The following RANBP17 variants were observed in gnomAD, a reference collection of about 807,000 sequenced individuals.
The protein encoded by RANBP17 is ran-binding protein 17.
Under a neutral mutation model 141.2 loss-of-function variants are expected in RANBP17, and 158 were observed. The observed-to-expected ratio is 1.12, with a 90% CI of 0.98 to 1.28. The LOEUF is 1.28. Among genes scored for constraint, RANBP17 ranks in the 50% most tolerant of loss-of-function variants. The pLI, the probability that RANBP17 is intolerant of heterozygous loss-of-function variation, is 0.00. For synonymous variants in RANBP17, 430 were observed against 450.0 expected (o/e 0.96, Z 0.56); for missense variants, 1,438 against 1,290.7 (o/e 1.11, Z -1.75).
chr5:171,176,414 C>T (rs1355080477), intron 16 of RANBP17, among the ~76,000 whole-genome samples: 1 of 152,082 alleles, frequency 6.6e-6, no homozygotes, highest in African/African-American at 2.4e-5. Context: ...TAATTCCATA[C>T]TCATCTTGAA....
At chr5:170,922,828 A>G (rs185142700) in intron 11 of RANBP17, among the ~76,000 whole-genome samples, 1 of 152,188 alleles carries the variant, frequency 6.6e-6, no homozygotes, top group African/African-American at 2.4e-5. Context: ...GGCTGCACCC[A>G]CTGTCGAACC....
intron 1 of RANBP17, among the ~76,000 whole-genome samples, chr5:170,866,348 A>G (rs1398887159): frequency 6.6e-6 from 1 of 150,652 alleles, no homozygotes; most frequent in Non-Finnish European, 1.5e-5. Flanking sequence ...GTAAATCTAC[A>G]CTCTGGTCTA....
chr5:171,254,955 C>T (rs1173676209), intron 24 of RANBP17, among the ~76,000 whole-genome samples: 2 of 152,142 alleles, frequency 1.3e-5, no homozygotes, highest in Non-Finnish European at 2.9e-5. Context: ...AATGACTTCA[C>T]CTATTTCTTC....
At chr5:171,101,616 G>A (rs1413038866) in intron 14 of RANBP17, among the ~76,000 whole-genome samples, 7 of 152,196 alleles carry the variant, frequency 4.6e-5, no homozygotes, top group African/African-American at 1.4e-4. Flanking sequence ...ATATTGTTAT[G>A]TGTGAATATG....
intron 12 of RANBP17, among the ~76,000 whole-genome samples, chr5:170,941,617 T>G (rs1045286510): frequency 6.6e-6 from 1 of 152,108 alleles, no homozygotes; most frequent in African/African-American, 2.4e-5. Flanking sequence ...AACAGTTCTT[T>G]AGGAAAATGA....
At chr5:171,004,783 G>T (rs1291210078) in intron 14 of RANBP17, among the ~76,000 whole-genome samples, 1 of 152,110 alleles carries the variant, frequency 6.6e-6, no homozygotes, top group Non-Finnish European at 1.5e-5. Context: ...CACAGACAGG[G>T]CACGGCTTAG....
At chr5:170,915,435 G>T (rs1263374873) in intron 8 of RANBP17, among the ~76,000 whole-genome samples, 6 of 152,060 alleles carry the variant, frequency 3.9e-5, no homozygotes, top group Admixed American at 2.6e-4. Context: ...TGAAACACAG[G>T]TCTTTTTTGC....
rs149693317 is a variant in RANBP17 at position 170,868,030 on chromosome 5, C to T, written c.18+5979C>T. 8.5e-5 allele frequency among the ~76,000 whole-genome samples: 13 copies of T among 152,284 alleles called. No individual in the cohort carries two copies. The East Asian group carries it at 2.3e-3, about 27-fold the overall frequency. ...TGTTGATAGTTGCATGCATGACTAT[C>T]AACACGTGTGGCTTTTACTCAGCAT... On this transcript the variant is annotated intron_variant, in intron 1 of 27. Coordinates refer to ENST00000523189, the MANE Select transcript of RANBP17 (RefSeq NM_022897.5).
chr5:171,025,863 C>T (rs1276395778), intron 14 of RANBP17, among the ~76,000 whole-genome samples: 1 of 152,106 alleles, frequency 6.6e-6, no homozygotes, highest in Non-Finnish European at 1.5e-5. Flanking sequence ...TCTGGGATTG[C>T]AGACATGAGC....
intron 14 of RANBP17, among the ~76,000 whole-genome samples, chr5:170,985,102 C>T (rs913024130): frequency 5.3e-5 from 8 of 151,066 alleles, no homozygotes; most frequent in Non-Finnish European, 1.2e-4. Context: ...CAGAACCACA[C>T]ATATACACAC....
At chr5:171,073,470 T>C (rs1231361295) in intron 14 of RANBP17, among the ~76,000 whole-genome samples, 1 of 152,166 alleles carries the variant, frequency 6.6e-6, no homozygotes, top group East Asian at 1.9e-4. Context: ...TAGAGCCAAG[T>C]TTCTCTCTGT....
chr5:171,284,244 G>T (rs1389615080), intron 25 of RANBP17, among the ~76,000 whole-genome samples: 1 of 152,108 alleles, frequency 6.6e-6, no homozygotes, highest in Non-Finnish European at 1.5e-5. Context: ...TAGCATTTCT[G>T]GAACAGTCTG....
intron 12 of RANBP17, among the ~76,000 whole-genome samples, chr5:170,949,885 A>G (rs914798201): frequency 2.6e-5 from 4 of 152,202 alleles, no homozygotes; most frequent in Admixed American, 2.6e-4. Flanking sequence ...ACAGCATGGT[A>G]TTGGTATAAA....
At chr5:171,007,201 G>C (rs2127585518) in intron 14 of RANBP17, among the ~76,000 whole-genome samples, 1 of 152,292 alleles carries the variant, frequency 6.6e-6, no homozygotes, top group South Asian at 2.1e-4. Flanking sequence ...GGTCTGATGA[G>C]AAAGAGCCTA....
intron 13 of RANBP17, among the ~76,000 whole-genome samples, chr5:170,963,179 T>C (rs983735610): frequency 2.0e-5 from 3 of 152,200 alleles, no homozygotes; most frequent in African/African-American, 7.2e-5. Flanking sequence ...TCTGAATGCA[T>C]AAGTGAATCC....
chr5:171,115,528 G>A (rs766210939), intron 14 of RANBP17, among the ~76,000 whole-genome samples: 1 of 152,172 alleles, frequency 6.6e-6, no homozygotes, highest in Non-Finnish European at 1.5e-5. Flanking sequence ...AAACATGTAG[G>A]TATAGATTTT....
At chr5:171,171,413 G>A (rs2115155) in intron 16 of RANBP17, 127 bp downstream of exon 16, 3 of 513,182 alleles carry the variant, frequency 5.8e-6, no homozygotes, top group Non-Finnish European at 1.0e-5. Context: ...CTTTCATTTA[G>A]CCTTATCTGT....
chr5:171,060,477 A>T (rs74823106), intron 14 of RANBP17, among the ~76,000 whole-genome samples: 1 of 151,720 alleles, frequency 6.6e-6, no homozygotes, highest in East Asian at 1.9e-4. Context: ...ATTGATTTGC[A>T]TATATTGAAC....
At chr5:171,025,839 C>G (rs1487641641) in intron 14 of RANBP17, among the ~76,000 whole-genome samples, 1 of 152,124 alleles carries the variant, frequency 6.6e-6, no homozygotes, top group African/African-American at 2.4e-5. Context: ...CCTCCTGCCT[C>G]GGTCTCCCAA....
Sources: allele counts gnomAD v4.1 joint callset (sites outside exome capture counted in the v4.1 genomes callset), GRCh38; gene constraint gnomAD v4.1.1; transcripts MANE v1.5; gene names NCBI Gene and HGNC (gene_info 2026-07-23, HGNC 2026-07-21).